The following RGS8 variants were observed in gnomAD, a reference collection of about 807,000 sequenced individuals.
The protein encoded by RGS8 is regulator of G protein signaling 8.
In RGS8, 8 loss-of-function variants were observed where a neutral mutation model predicts 21.7. The ratio of observed to expected loss-of-function variants is 0.37; its 90% confidence interval spans 0.22 to 0.66. The LOEUF (loss-of-function observed/expected upper bound fraction) is 0.66, where lower values mean the gene tolerates loss of function less well. Among genes scored for constraint, RGS8 ranks in the 30% least tolerant of loss-of-function variants. The pLI is 0.59. For missense variants in RGS8, 157 were observed against 217.9 expected, an observed-to-expected ratio of 0.72 and a Z score of 1.76; for synonymous variants, 80 against 83.6, an observed-to-expected ratio of 0.96 and a Z score of 0.24.
the RGS8 span, among the ~76,000 whole-genome samples, chr1:182,732,272 T>TACACACACAC: frequency 9.4e-4 from 124 of 132,580 alleles, 1 homozygote; most frequent in African/African-American, 2.6e-3. Context: ...CTCTCTCTCA[T>TACACACACAC]ACACACACAC....
the RGS8 span, among the ~76,000 whole-genome samples, chr1:182,704,979 TCAAA>T: frequency 3.9e-5 from 6 of 152,282 alleles, no homozygotes; most frequent in East Asian, 3.9e-4. Flanking sequence ...TTTTCAGAGG[TCAAA>T]CAATGTTTTT....
At chr1:182,688,610 G>C (rs1346202373), upstream of RGS8, among the ~76,000 whole-genome samples, 2 of 152,186 alleles carry the variant, frequency 1.3e-5, no homozygotes, top group Non-Finnish European at 2.9e-5. Context: ...TATCTAGGCA[G>C]ACTCAATCAA....
At chr1:182,669,872 C>T in intron 2 of RGS8, 120 bp from the exon 4 acceptor site, 3 of 1,139,572 alleles carry the variant, frequency 2.6e-6, no homozygotes, top group Non-Finnish European at 3.6e-6. Context: ...CCCAGCCCCA[C>T]AAATGTCCAC....
the RGS8 span, among the ~76,000 whole-genome samples, chr1:182,743,253 T>C: frequency 6.6e-6 from 1 of 152,222 alleles, no homozygotes; most frequent in Non-Finnish European, 1.5e-5. Context: ...GAACATGTAT[T>C]GAGCCTATGT....
chr1:182,662,176 C>T (rs1461187658), intron 5 of RGS8, among the ~76,000 whole-genome samples: 3 of 152,144 alleles, frequency 2.0e-5, no homozygotes, highest in Non-Finnish European at 2.9e-5. Context: ...AAGTTGCTTT[C>T]TTTTGCCTGA....
chr1:182,699,186 G>A, the RGS8 span, among the ~76,000 whole-genome samples: 3 of 152,220 alleles, frequency 2.0e-5, no homozygotes, highest in African/African-American at 7.2e-5. Context: ...CCATCCCTGG[G>A]CCAGAGGGGT....
chr1:182,741,936 C>A, the RGS8 span, among the ~76,000 whole-genome samples: 1 of 147,296 alleles, frequency 6.8e-6, no homozygotes, highest in Non-Finnish European at 1.5e-5. Context: ...ACGCTCCTCA[C>A]TTCCCAGACG....
At chr1:182,680,053 T>C (rs1664491621) in intron 1 of RGS8, among the ~76,000 whole-genome samples, 1 of 152,220 alleles carries the variant, frequency 6.6e-6, no homozygotes, top group African/African-American at 2.4e-5. Context: ...ACCACTGCTC[T>C]GGCTCATGTC....
At chr1:182,651,558 C>T (rs892959919) in intron 5 of RGS8, among the ~76,000 whole-genome samples, 43 of 152,320 alleles carry the variant, frequency 2.8e-4, no homozygotes, top group Admixed American at 2.0e-3. Context: ...TTTCACACCA[C>T]CCTAAAGTCG....
At chr1:182,668,736 G>A (rs1663998590) in intron 3 of RGS8, among the ~76,000 whole-genome samples, 1 of 152,164 alleles carries the variant, frequency 6.6e-6, no homozygotes, top group Non-Finnish European at 1.5e-5. Flanking sequence ...CCAAACATTG[G>A]CTACTGCTAT....
At chr1:182,748,891 T>C in the RGS8 span, among the ~76,000 whole-genome samples, 1,541 of 152,308 alleles carry the variant, frequency 0.01, 27 homozygotes, top group African/African-American at 0.036. Context: ...TGCTGGCCAT[T>C]GTATGTCTTC....
At chr1:182,711,144 G>C in the RGS8 span, among the ~76,000 whole-genome samples, 47 of 152,150 alleles carry the variant, frequency 3.1e-4, no homozygotes, top group Non-Finnish European at 6.3e-4. Flanking sequence ...AAATGCATCA[G>C]GCCAGAAGTG....
At chr1:182,750,363 C>T in the RGS8 span, among the ~76,000 whole-genome samples, 1 of 152,108 alleles carries the variant, frequency 6.6e-6, no homozygotes, top group Non-Finnish European at 1.5e-5. Context: ...GTAATACTAC[C>T]CATCTTTACA....
chr1:182,699,326 G>A, the RGS8 span, among the ~76,000 whole-genome samples: 1 of 152,200 alleles, frequency 6.6e-6, no homozygotes, highest in Non-Finnish European at 1.5e-5. Flanking sequence ...CAAAGAAGGA[G>A]CTTCATGGTG....
chr1:182,709,945 A>C, the RGS8 span, among the ~76,000 whole-genome samples: 1 of 152,170 alleles, frequency 6.6e-6, no homozygotes, highest in Non-Finnish European at 1.5e-5. Flanking sequence ...TACAGGAGTG[A>C]ATAATTTCTC....
chr1:182,669,742 C>G (rs1426867194), exon 3 of RGS8: 40 of 1,597,142 alleles, frequency 2.5e-5, no homozygotes, highest in Non-Finnish European at 3.2e-5. Context: ...TACCCTTGCA[C>G]GTCCTCTCAC....
At chr1:182,655,005 T>G (rs1663198469) in intron 5 of RGS8, among the ~76,000 whole-genome samples, 1 of 152,202 alleles carries the variant, frequency 6.6e-6, no homozygotes, top group African/African-American at 2.4e-5. Context: ...ATAGCACACT[T>G]ACTTTGGGCC....
chr1:182,727,423 A>G, the RGS8 span, among the ~76,000 whole-genome samples: 8,026 of 152,238 alleles, frequency 0.053, 255 homozygotes, highest in Middle Eastern at 0.075. Flanking sequence ...ATTTATGATG[A>G]ATTTTGTTTT....
chr1:182,741,477 G>C, the RGS8 span, among the ~76,000 whole-genome samples: 3 of 140,948 alleles, frequency 2.1e-5, no homozygotes, highest in African/African-American at 7.9e-5. Context: ...TTCCGGGACC[G>C]GGCGGCTGGC....
Sources: gnomAD v4.1 joint callset for allele counts (sites outside exome capture counted in the v4.1 genomes callset) on GRCh38, gnomAD v4.1.1 for gene constraint, MANE v1.5 for transcripts, NCBI Gene and HGNC (gene_info 2026-07-23, HGNC 2026-07-21) for gene names.